NOTCH2: variants seen among roughly 807,000 people sequenced by gnomAD.
NOTCH2 encodes neurogenic locus notch homolog protein 2.
NOTCH2 carries 29 observed loss-of-function variants against 235.8 expected under a neutral mutation model. The ratio of observed to expected loss-of-function variants is 0.12; its 90% CI spans 0.09 to 0.17. The LOEUF is 0.17. Ranked by LOEUF, NOTCH2 falls within the 10% of genes least tolerant of loss-of-function variation. NOTCH2 has a pLI of 1.00. For missense variants in NOTCH2, 2,285 were observed against 3,150.2 expected (o/e 0.73, Z 6.57); for synonymous variants, 1,086 against 1,141.5 (o/e 0.95, Z 0.98).
chr1:119,949,238 T>C, intron 15 of NOTCH2, 112 bp from the exon 16 acceptor site: 14 of 1,109,488 alleles, frequency 1.3e-5, no homozygotes, highest in Non-Finnish European at 1.9e-5. Context: ...TTAAGAGGCT[T>C]TGAAAATGGA....
At chr1:119,954,529 A>G (rs113800523) in intron 13 of NOTCH2, among the ~76,000 whole-genome samples, 1,911 of 152,322 alleles carry the variant, frequency 0.013, 43 homozygotes, top group African/African-American at 0.041. Flanking sequence ...TCACTCTATG[A>G]TTCTAGAAAA....
rs772976262 is a variant in NOTCH2 at position 119,915,323 on chromosome 1, T to C, written c.7399A>G (p.Met2467Val). The C allele has an allele frequency of 1.2e-6, 2 of 1,613,520 alleles. No individual in the cohort carries two copies. The highest frequency in any genetic ancestry group is 1.1e-5 in the South Asian group (1 of 91,054). Residue 2467 changes from methionine to valine, a missense_variant, in exon 34 of 34, where the codon ATG becomes GTG. Physicochemically the swap from Met to Val is conservative, Grantham distance 21. Around this residue, in one of 6 missense-constraint regions of NOTCH2, gnomAD observed 504 missense variants for 538.0 expected, o/e 0.94. Transcript: ENST00000256646. ...GGACTCTCTCACGCATAAACCTGCA[T>C]GTTGTTGTGTGGTGGCTCAGACATG... ...THMSEPPHNN[M>V]QVYA
chr1:119,983,216 G>C (rs1290276029), intron 5 of NOTCH2, among the ~76,000 whole-genome samples: 1 of 145,682 alleles, frequency 6.9e-6, no homozygotes, highest in Non-Finnish European at 1.5e-5. Flanking sequence ...TTTTTTTTGA[G>C]ACAGGTTCTT....
In NOTCH2 at chr1:119,955,124, G is replaced by A; in HGVS notation, c.2135C>T (p.Pro712Leu). 2 of 1,614,102 alleles carry A rather than the reference G, an allele frequency of 1.2e-6. No homozygotes were observed. The highest frequency in any genetic ancestry group is 1.7e-6 in the Non-Finnish European group (2 of 1,180,006). Residue 712 changes from proline (P) to leucine (L), a missense_variant, in exon 13 of 34, where the codon CCC (proline) becomes CTC (leucine). Transcript: ENST00000256646. ...CTGTGAGTAGCAGCTGGGGTGATGG[G>A]GTCCCTCGGGGCATATACAGCGGAA... The part of the protein sequence containing the change: ...NGFRCICPEG[P>L]HHPSCYSQVN...
intron 12 of NOTCH2, among the ~76,000 whole-genome samples, chr1:119,957,990 A>T (rs1650773253): frequency 6.6e-6 from 1 of 152,094 alleles, no homozygotes; most frequent in Non-Finnish European, 1.5e-5. Flanking sequence ...AACATTACTT[A>T]ACATCTCTGT....
intron 5 of NOTCH2, among the ~76,000 whole-genome samples, chr1:119,972,411 C>T (rs1380320524): frequency 6.6e-6 from 1 of 152,162 alleles, no homozygotes; most frequent in Non-Finnish European, 1.5e-5. Context: ...TATACTTATG[C>T]TAACTCAAAT....
intron 13 of NOTCH2, among the ~76,000 whole-genome samples, chr1:119,953,930 ATG>A (rs1203337980): frequency 3.3e-5 from 5 of 152,184 alleles, no homozygotes; most frequent in African/African-American, 1.2e-4. Flanking sequence ...GAAATTTCTT[ATG>A]TAAACAATGG....
chr1:119,934,337 T>G (rs782796361), intron 22 of NOTCH2, among the ~76,000 whole-genome samples: 3 of 152,170 alleles, frequency 2.0e-5, no homozygotes, highest in Non-Finnish European at 4.4e-5. Context: ...AATTACTTAG[T>G]CTCAGGTATT....
At chr1:119,949,257 T>C (rs1418731738) in intron 15 of NOTCH2, 131 bp from the exon 16 acceptor site, 7 of 938,066 alleles carry the variant, frequency 7.5e-6, no homozygotes, top group Admixed American at 1.9e-5. Flanking sequence ...GAGAAGCCCA[T>C]GATCTTTCCA....
chr1:119,927,638 T>C (rs587704938), intron 23 of NOTCH2, among the ~76,000 whole-genome samples: 61 of 152,260 alleles, frequency 4.0e-4, no homozygotes, highest in Non-Finnish European at 7.9e-4. Flanking sequence ...CCCCTTACTT[T>C]GCAAATGCTT....
intron 5 of NOTCH2, among the ~76,000 whole-genome samples, chr1:119,985,075 C>T (rs1553202073): frequency 6.6e-6 from 1 of 152,080 alleles, no homozygotes; most frequent in African/African-American, 2.4e-5. Flanking sequence ...GGGTATGCTG[C>T]TAGATGCATG....
At chr1:120,023,911 C>G (rs1471069992) in intron 2 of NOTCH2, among the ~76,000 whole-genome samples, 1 of 151,528 alleles carries the variant, frequency 6.6e-6, no homozygotes, top group African/African-American at 2.4e-5. Flanking sequence ...CAACTACTAC[C>G]ACAGACTTGA....
chr1:119,923,882 T>C lies in NOTCH2; in HGVS notation c.4614A>G (p.Gln1538=), dbSNP rs1045617674. The C allele has an allele frequency of 6.2e-7, 1 of 1,613,996 alleles. No individual in the cohort carries two copies. Among genetic ancestry groups the C allele is most frequent in the Non-Finnish European group, 8.5e-7 (1 of 1,180,022 alleles). Residue 1538 remains glutamine, a synonymous_variant, in exon 26 of 34, where the codon CAA becomes CAG. Transcript: ENST00000256646. The stretch of plus-strand genomic sequence containing the variant: ...GGGTACCTTCTGCCAGGTTCTCAGG[T>C]TGGTCAGCAGCACAGTCCAGCCCAT... ...GWDGLDCAAD[Q]PENLAEGTLV...
intron 1 of NOTCH2, among the ~76,000 whole-genome samples, chr1:120,030,270 C>T (rs1369597837): frequency 1.3e-5 from 2 of 151,758 alleles, no homozygotes; most frequent in African/African-American, 4.8e-5. Context: ...AAATTAAAGC[C>T]ATACCATCTA....
chr1:120,014,298 C>T (rs587685911), intron 2 of NOTCH2, among the ~76,000 whole-genome samples: 1 of 152,156 alleles, frequency 6.6e-6, no homozygotes, highest in Non-Finnish European at 1.5e-5. Context: ...GGCACAGTGG[C>T]TCACACCTGT....
chr1:119,974,427 T>C (rs782133419), intron 5 of NOTCH2, among the ~76,000 whole-genome samples: 2 of 152,188 alleles, frequency 1.3e-5, no homozygotes, highest in African/African-American at 4.8e-5. Context: ...TTTTAAAAAC[T>C]ACCCTCTCTA....
intron 11 of NOTCH2, 34 bp from the exon 12 acceptor site, chr1:119,959,536 G>A (rs782232911): frequency 2.6e-6 from 3 of 1,147,492 alleles, no homozygotes; most frequent in Non-Finnish European, 4.0e-6. Context: ...ACCATTCAAT[G>A]TTACCACAGA....
At chr1:119,950,302 G>A in intron 15 of NOTCH2, 1 of 360,610 alleles carries the variant, frequency 2.8e-6, no homozygotes, top group Non-Finnish European at 5.4e-6. Context: ...CTTCTACATT[G>A]TAGAATTATT....
chr1:119,930,036 T>G (rs1439096668), intron 22 of NOTCH2, among the ~76,000 whole-genome samples: 1 of 152,238 alleles, frequency 6.6e-6, no homozygotes, highest in Admixed American at 6.5e-5. Context: ...TAAAACAAGG[T>G]GCAGGTTTGG....
Sources: gnomAD v4.1 joint callset for allele counts (sites outside exome capture counted in the v4.1 genomes callset) on GRCh38, gnomAD v4.1.1 for gene constraint, gnomAD v4.1.1 regional missense constraint, MANE v1.5 for transcripts, NCBI Gene and HGNC (gene_info 2026-07-23, HGNC 2026-07-21) for gene names.